SGCZ: variants seen among roughly 807,000 people sequenced by gnomAD.
SGCZ encodes sarcoglycan zeta.
A neutral mutation model predicts 41.3 loss-of-function variants in SGCZ; 40 were observed. The observed-to-expected ratio is 0.97, with a 90% CI of 0.75 to 1.26. The LOEUF (loss-of-function observed/expected upper bound fraction) is 1.26, where lower values mean the gene tolerates loss of function less well. Among genes scored for constraint, SGCZ ranks in the 50% most tolerant of loss-of-function variants. SGCZ has a pLI of 0.00. For synonymous variants in SGCZ, 206 were observed against 137.5 expected (o/e 1.50, Z -3.49); for missense variants, 552 against 369.8 (o/e 1.49, Z -4.04).
intron 5 of SGCZ, among the ~76,000 whole-genome samples, chr8:14,134,270 A>G (rs1335143758): frequency 1.3e-5 from 2 of 152,196 alleles, no homozygotes; most frequent in Non-Finnish European, 1.5e-5. Flanking sequence ...AATATTTTCC[A>G]TAAACTAGTA....
intron 3 of SGCZ, among the ~76,000 whole-genome samples, chr8:14,254,363 G>A (rs1449307375): frequency 6.6e-6 from 1 of 152,208 alleles, no homozygotes; most frequent in Non-Finnish European, 1.5e-5. Flanking sequence ...GCATTCGCTT[G>A]TAAATTTGGG....
intron 2 of SGCZ, among the ~76,000 whole-genome samples, chr8:14,338,283 G>A (rs915469643): frequency 6.6e-6 from 1 of 152,158 alleles, no homozygotes; most frequent in African/African-American, 2.4e-5. Context: ...TTCAATGAAG[G>A]ATTTGCCCCA....
At chr8:14,833,378 A>G (rs192111536) in intron 1 of SGCZ, among the ~76,000 whole-genome samples, 2 of 152,298 alleles carry the variant, frequency 1.3e-5, no homozygotes, top group Admixed American at 1.3e-4. Flanking sequence ...ATCCCAGAGA[A>G]GCCAAACATA....
At chr8:14,270,140 T>C (rs995177104) in intron 3 of SGCZ, among the ~76,000 whole-genome samples, 1 of 149,486 alleles carries the variant, frequency 6.7e-6, no homozygotes, top group Non-Finnish European at 1.5e-5. Context: ...AAGACCAGCC[T>C]GGCCAACATG....
intron 1 of SGCZ, among the ~76,000 whole-genome samples, chr8:14,817,220 T>C (rs1470230600): frequency 6.6e-6 from 1 of 152,118 alleles, no homozygotes; most frequent in Admixed American, 6.6e-5. Context: ...AGAGAGGGGA[T>C]GGAGGCACCT....
At chr8:14,957,178 C>G (rs1225774075) in intron 1 of SGCZ, among the ~76,000 whole-genome samples, 1 of 152,046 alleles carries the variant, frequency 6.6e-6, no homozygotes, top group Non-Finnish European at 1.5e-5. Flanking sequence ...TTTGTTTTCT[C>G]TCTTATGCAA....
chr8:14,202,597 T>C (rs1805490803), intron 4 of SGCZ, among the ~76,000 whole-genome samples: 1 of 152,112 alleles, frequency 6.6e-6, no homozygotes, highest in African/African-American at 2.4e-5. Flanking sequence ...TAAAGCTAGG[T>C]TGGTATGAGA....
chr8:14,482,846 T>G (rs1387131725), intron 2 of SGCZ, among the ~76,000 whole-genome samples: 1 of 151,946 alleles, frequency 6.6e-6, no homozygotes, highest in African/African-American at 2.4e-5. Flanking sequence ...TTGTCACTTC[T>G]CATTCTCAGG....
chr8:14,542,320 C>T (rs1803494564), intron 2 of SGCZ, among the ~76,000 whole-genome samples: 1 of 151,966 alleles, frequency 6.6e-6, no homozygotes, highest in Non-Finnish European at 1.5e-5. Flanking sequence ...ATTACATTTG[C>T]CTCTTTCATT....
At chr8:15,078,030 T>G (rs538264242) in intron 1 of SGCZ, among the ~76,000 whole-genome samples, 8 of 151,248 alleles carry the variant, frequency 5.3e-5, no homozygotes, top group African/African-American at 1.9e-4. Flanking sequence ...ACTGGGGGAC[T>G]GGGATAGAGC....
intron 2 of SGCZ, among the ~76,000 whole-genome samples, chr8:14,444,983 A>G (rs897421159): frequency 1.3e-5 from 2 of 152,132 alleles, no homozygotes; most frequent in Non-Finnish European, 2.9e-5. Flanking sequence ...AAGACGCTTC[A>G]CTGACTCCAT....
chr8:15,158,809 A>G (rs537891016), intron 1 of SGCZ, among the ~76,000 whole-genome samples: 4 of 152,366 alleles, frequency 2.6e-5, no homozygotes, highest in African/African-American at 9.6e-5. Context: ...AGTGACAAAG[A>G]AAGATCTAGA....
intron 1 of SGCZ, among the ~76,000 whole-genome samples, chr8:15,131,180 G>A (rs1038203366): frequency 2.0e-5 from 3 of 152,170 alleles, no homozygotes; most frequent in Non-Finnish European, 4.4e-5. Context: ...CCACCCAAAT[G>A]TCATCTTGAA....
chr8:15,030,200 A>G (rs1439903321), intron 1 of SGCZ, among the ~76,000 whole-genome samples: 1 of 152,152 alleles, frequency 6.6e-6, no homozygotes, highest in Non-Finnish European at 1.5e-5. Flanking sequence ...TAAATGATTC[A>G]TAAGGGGTTA....
intron 2 of SGCZ, among the ~76,000 whole-genome samples, chr8:14,435,612 A>G (rs1187836523): frequency 6.6e-6 from 1 of 152,232 alleles, no homozygotes; most frequent in African/African-American, 2.4e-5. Flanking sequence ...TATCTACAAT[A>G]CTATAATATA....
intron 2 of SGCZ, among the ~76,000 whole-genome samples, chr8:14,386,263 T>C (rs991174946): frequency 6.6e-6 from 1 of 151,630 alleles, no homozygotes; most frequent in Non-Finnish European, 1.5e-5. Context: ...TGTTTAAAAC[T>C]TCAGTATCAA....
At chr8:15,078,587 G>A (rs561331770) in intron 1 of SGCZ, among the ~76,000 whole-genome samples, 8 of 152,108 alleles carry the variant, frequency 5.3e-5, no homozygotes, top group African/African-American at 1.7e-4. Flanking sequence ...GAGTGCTTTT[G>A]TTTAATAGGA....
chr8:15,082,949 C>G (rs539288072), intron 1 of SGCZ, among the ~76,000 whole-genome samples: 1 of 150,886 alleles, frequency 6.6e-6, no homozygotes, highest in East Asian at 1.9e-4. Flanking sequence ...AACTGCAGAT[C>G]AAAGCACTAG....
At chr8:15,064,410 G>A (rs1193790110) in intron 1 of SGCZ, among the ~76,000 whole-genome samples, 4 of 151,768 alleles carry the variant, frequency 2.6e-5, no homozygotes, top group Non-Finnish European at 5.9e-5. Flanking sequence ...AACTGAAATC[G>A]ATCCAGTAGT....
Sources: allele counts gnomAD v4.1 joint callset (sites outside exome capture counted in the v4.1 genomes callset), GRCh38; gene constraint gnomAD v4.1.1; transcripts MANE v1.5; gene names NCBI Gene and HGNC (gene_info 2026-07-23, HGNC 2026-07-21).